QNG1: variants seen among roughly 807,000 people sequenced by gnomAD.
QNG1 encodes the protein queuosine 5'-phosphate N-glycosylase/hydrolase.
the QNG1 span, chr9:83,939,391 G>T: frequency 1.4e-6 from 1 of 699,638 alleles, no homozygotes; most frequent in Non-Finnish European, 2.4e-6. Context: ...TTTTTCAAGT[G>T]AGAATGGGCA....
chr9:83,955,077 T>C, the QNG1 span, among the ~76,000 whole-genome samples: 14 of 151,018 alleles, frequency 9.3e-5, no homozygotes, highest in African/African-American at 3.4e-4. Context: ...CGCATCCCTG[T>C]AATCCAAGCT....
At chr9:83,946,341 A>G in the QNG1 span, among the ~76,000 whole-genome samples, 1 of 152,126 alleles carries the variant, frequency 6.6e-6, no homozygotes, top group Non-Finnish European at 1.5e-5. Flanking sequence ...AGCAACATAC[A>G]AAGAATAATC....
chr9:83,956,697 G>A, the QNG1 span: 3 of 452,176 alleles, frequency 6.6e-6, no homozygotes, highest in Non-Finnish European at 1.2e-5. Flanking sequence ...TAGGAAACCA[G>A]AGAGACCCCG....
chr9:83,956,570 G>C, the QNG1 span: 1 of 1,354,502 alleles, frequency 7.4e-7, no homozygotes, highest in Non-Finnish European at 1.0e-6. Context: ...TCTGCGCCTT[G>C]CGCTACTACG....
At chr9:83,940,947 G>A in the QNG1 span, among the ~76,000 whole-genome samples, 1 of 152,166 alleles carries the variant, frequency 6.6e-6, no homozygotes, top group African/African-American at 2.4e-5. Context: ...CTTTGCCCCA[G>A]GTGCTAGCAT....
chr9:83,946,118 C>T, the QNG1 span, among the ~76,000 whole-genome samples: 1 of 151,418 alleles, frequency 6.6e-6, no homozygotes, highest in African/African-American at 2.4e-5. Context: ...CAGCCTGGCC[C>T]ATATGGTAAT....
the QNG1 span, among the ~76,000 whole-genome samples, chr9:83,953,394 C>T: frequency 6.7e-6 from 1 of 149,896 alleles, no homozygotes; most frequent in African/African-American, 2.5e-5. Context: ...GTCGTCCAGG[C>T]TGGAGTGCAG....
chr9:83,947,749 G>A, the QNG1 span, among the ~76,000 whole-genome samples: 1 of 152,236 alleles, frequency 6.6e-6, no homozygotes, highest in African/African-American at 2.4e-5. Flanking sequence ...TCCTGACCGC[G>A]AGTGATCTGC....
At chr9:83,940,519 C>G in the QNG1 span, among the ~76,000 whole-genome samples, 1 of 152,042 alleles carries the variant, frequency 6.6e-6, no homozygotes, top group Non-Finnish European at 1.5e-5. Context: ...TGTGTCTTAC[C>G]ACTGAGACTA....
At chr9:83,948,032 G>A in the QNG1 span, among the ~76,000 whole-genome samples, 1 of 149,768 alleles carries the variant, frequency 6.7e-6, no homozygotes, top group African/African-American at 2.5e-5. Flanking sequence ...AGTGAGGAGC[G>A]CCTCTTCCCG....
At chr9:83,939,302 C>T in the QNG1 span, 144,541 of 495,872 alleles carry the variant, frequency 0.29, 22,513 homozygotes, top group African/African-American at 0.45. Flanking sequence ...AAACTCCTGA[C>T]CTCAGATGAT....
the QNG1 span, among the ~76,000 whole-genome samples, chr9:83,943,244 G>T: frequency 6.7e-6 from 1 of 150,002 alleles, no homozygotes; most frequent in Non-Finnish European, 1.5e-5. Flanking sequence ...GGAGGCCGAG[G>T]CAGGAGAATG....
the QNG1 span, chr9:83,939,749 A>AG: frequency 1.2e-6 from 2 of 1,604,540 alleles, no homozygotes; most frequent in Non-Finnish European, 1.7e-6. Context: ...TTCTCCTGCA[A>AG]GGGGGAAAAG....
At chr9:83,953,107 A>G in the QNG1 span, among the ~76,000 whole-genome samples, 1 of 151,948 alleles carries the variant, frequency 6.6e-6, no homozygotes, top group Non-Finnish European at 1.5e-5. Context: ...TGTTTCTACT[A>G]AAAATACAAA....
the QNG1 span, chr9:83,956,188 C>G: frequency 6.2e-7 from 1 of 1,611,858 alleles, no homozygotes; most frequent in Non-Finnish European, 8.5e-7. Flanking sequence ...CTGTTGACGG[C>G]GGCGCACAGG....
the QNG1 span, chr9:83,956,147 G>A: frequency 1.2e-6 from 2 of 1,605,348 alleles, no homozygotes; most frequent in Non-Finnish European, 1.7e-6. Flanking sequence ...AGGTCCGATG[G>A]CAAGTATGGC....
the QNG1 span, among the ~76,000 whole-genome samples, chr9:83,942,975 A>AG: frequency 6.6e-6 from 1 of 152,290 alleles, no homozygotes; most frequent in South Asian, 2.1e-4. Flanking sequence ...ATAAAAACTG[A>AG]GAAGGAGATG....
chr9:83,948,582 G>A, the QNG1 span, among the ~76,000 whole-genome samples: 83 of 148,856 alleles, frequency 5.6e-4, no homozygotes, highest in African/African-American at 1.3e-3. Flanking sequence ...CCGCCACCAC[G>A]TCTGGGAGGC....
the QNG1 span, chr9:83,944,892 G>A: frequency 6.2e-7 from 1 of 1,613,970 alleles, no homozygotes; most frequent in Non-Finnish European, 8.5e-7. Context: ...GGTGATACTG[G>A]AGATGTCCTT....
Sources: allele counts gnomAD v4.1 joint callset (sites outside exome capture counted in the v4.1 genomes callset), GRCh38; gene constraint gnomAD v4.1.1; transcripts MANE v1.5; gene names NCBI Gene and HGNC (gene_info 2026-07-23, HGNC 2026-07-21).